Variants in RAPGEF6 observed in about 807,000 individuals in gnomAD.
RAPGEF6 encodes Rap guanine nucleotide exchange factor 6.
Under a neutral mutation model 171.4 loss-of-function variants are expected in RAPGEF6, and 56 were observed. The observed-to-expected ratio is 0.33, with a 90% CI of 0.26 to 0.41. The LOEUF (loss-of-function observed/expected upper bound fraction) is 0.41, where lower values mean the gene tolerates loss of function less well. RAPGEF6 is among the 10% of genes least tolerant of loss of function. The pLI is 1.00. For missense variants in RAPGEF6, 1,674 were observed against 1,921.4 expected (o/e 0.87, Z 2.41); for synonymous variants, 692 against 650.1 (o/e 1.06, Z -0.98).
intron 3 of RAPGEF6, among the ~76,000 whole-genome samples, chr5:131,602,034 CA>C (rs11400631): frequency 1.2e-3 from 148 of 124,158 alleles, no homozygotes; most frequent in Middle Eastern, 4.1e-3. Context: ...GACTCCGTCT[CA>C]AAAAAAAAAA....
Position 131,492,752 on chromosome 5 carries a change from C to G in RAPGEF6, c.1561G>C (p.Ala521Pro). 1.2e-6 allele frequency: 2 copies of G among 1,613,772 alleles called. No individual in the cohort carries two copies. Among genetic ancestry groups the G allele is most frequent in the Non-Finnish European group, 1.7e-6 (2 of 1,179,706 alleles). ...MNGHLRLLNI[A>P]CAAKAKWRQV... is the part of the protein sequence containing the mutation. ...CTCCACTTAGCCTTTGCAGCACAGG[C>G]AATATTCAATAACCGGAGATGACCA... is the stretch of plus-strand genomic sequence containing the variant. The change falls in exon 14 of 28, where the codon GCC (alanine) becomes CCC (proline). Residue 521 changes from alanine to proline, a missense_variant. Ala to Pro is a conservative substitution (Grantham distance 27). Transcript: ENST00000509018.
At chr5:131,534,725 ATAG>A (rs550245625) in intron 6 of RAPGEF6, among the ~76,000 whole-genome samples, 81 of 152,122 alleles carry the variant, frequency 5.3e-4, no homozygotes, top group African/African-American at 1.7e-3. Context: ...CAGAAAAATG[ATAG>A]TAGGTACTTT....
At chr5:131,505,575 G>A in intron 9 of RAPGEF6, 53 bp from the exon 10 acceptor site, 1 of 1,480,664 alleles carries the variant, frequency 6.8e-7, no homozygotes, top group Non-Finnish European at 9.2e-7. Context: ...GTAGTTACAT[G>A]TTAACTTTGA....
Position 131,635,045 on chromosome 5 carries a change from T to C in RAPGEF6, c.-15A>G, listed in dbSNP as rs1460138996. ...GGTGAGTTCATGGCCACGGCCCGGG[T>C]ACTCCGCAGCCTGCCCTTAGCAGCC... On this transcript the variant is annotated 5_prime_UTR_variant, in exon 1 of 28. Coordinates refer to ENST00000509018, the MANE Select transcript of RAPGEF6 (RefSeq NM_016340.6). 7 of 1,599,112 alleles carry C rather than the reference T, an allele frequency of 4.4e-6. No individual in the cohort carries two copies. The highest frequency in any genetic ancestry group is 1.1e-5 in the South Asian group (1 of 90,510).
intron 1 of RAPGEF6, among the ~76,000 whole-genome samples, chr5:131,621,150 T>C (rs1050243793): frequency 2.0e-5 from 3 of 152,206 alleles, no homozygotes; most frequent in Admixed American, 6.5e-5. Flanking sequence ...TAAATTTCTA[T>C]ATATAGTTGT....
At chr5:131,588,396 C>G (rs1180754519) in intron 4 of RAPGEF6, among the ~76,000 whole-genome samples, 1 of 152,190 alleles carries the variant, frequency 6.6e-6, no homozygotes, top group African/African-American at 2.4e-5. Flanking sequence ...TTAGGCCATT[C>G]TCTTATGCTC....
chr5:131,597,624 T>C (rs1763978030), intron 3 of RAPGEF6, among the ~76,000 whole-genome samples: 1 of 152,052 alleles, frequency 6.6e-6, no homozygotes, highest in Admixed American at 6.5e-5. Context: ...CTGCAGAATA[T>C]CACTTATACG....
In RAPGEF6 at chr5:131,445,493, C is replaced by CTCTGTGTGTGTGTGTGTGTGTGTG. The variant is rs1554070849; in HGVS notation, c.3421+989_3421+990insCACACACACACACACACACACAGA. 6.4e-4 allele frequency among the ~76,000 whole-genome samples: 94 copies of CTCTGTGTGTGTGTGTGTGTGTGTG among 147,332 alleles called. 1 individual carries two copies. Among genetic ancestry groups the CTCTGTGTGTGTGTGTGTGTGTGTG allele is most frequent in the African/African-American group, 2.1e-3 (84 of 39,370 alleles). On this transcript the variant is annotated intron_variant, in intron 22 of 27. Coordinates refer to ENST00000509018, the MANE Select transcript of RAPGEF6 (RefSeq NM_016340.6). Reference sequence around the variant, plus strand: ...TTTATGGGCAAATTTAACTCACTCTCTGTGTGTGTGTGTGTGTGTGTGTGT... The same window carrying CTCTGTGTGTGTGTGTGTGTGTGTG: ...TTTATGGGCAAATTTAACTCACTCTCTCTGTGTGTGTGTGTGTGTGTGTGTGTGTGTGTGTGTGTGTGTGTGTGT...
At chr5:131,580,250 C>T (rs901690293) in intron 4 of RAPGEF6, among the ~76,000 whole-genome samples, 1 of 152,164 alleles carries the variant, frequency 6.6e-6, no homozygotes, top group African/African-American at 2.4e-5. Flanking sequence ...GGGGAACCAG[C>T]GCCTCCTCCA....
At chr5:131,621,292 C>T (rs2150034032) in intron 1 of RAPGEF6, among the ~76,000 whole-genome samples, 1 of 152,062 alleles carries the variant, frequency 6.6e-6, no homozygotes, top group South Asian at 2.1e-4. Flanking sequence ...GCTTTATTTT[C>T]TTTTTCTTTT....
At chr5:131,517,796 C>CGT in intron 7 of RAPGEF6, among the ~76,000 whole-genome samples, 1 of 142,858 alleles carries the variant, frequency 7.0e-6, no homozygotes, top group Admixed American at 6.8e-5. Context: ...CACACACACA[C>CGT]ACACACACAC....
intron 20 of RAPGEF6, among the ~76,000 whole-genome samples, chr5:131,454,885 G>A (rs1753370493): frequency 6.6e-6 from 1 of 152,298 alleles, no homozygotes; most frequent in East Asian, 1.9e-4. Context: ...AAATAAAACT[G>A]TAAGCTAACT....
In RAPGEF6 at chr5:131,513,692, A is replaced by T. The variant is rs1561525953; in HGVS notation, c.628-3201T>A. Among the ~76,000 whole-genome samples, 3 of 152,348 alleles carry T rather than the reference A, an allele frequency of 2.0e-5. No individual in the cohort carries two copies. In the East Asian group the frequency reaches 5.8e-4, roughly 29 times the overall value. ...CCTTTTAATACCAACTGCAAAGGAA[A>T]GAATATAATCTACCCTTACAATTTG... On this transcript the variant is annotated intron_variant, in intron 7 of 27. Coordinates refer to ENST00000509018, the MANE Select transcript of RAPGEF6 (RefSeq NM_016340.6).
chr5:131,562,598 T>C (rs931664835), intron 4 of RAPGEF6, among the ~76,000 whole-genome samples: 3 of 152,200 alleles, frequency 2.0e-5, no homozygotes, highest in Admixed American at 1.3e-4. Flanking sequence ...TAACATAAAA[T>C]GATGTAGCAT....
At chr5:131,468,838 G>A (rs1211897430) in intron 17 of RAPGEF6, among the ~76,000 whole-genome samples, 1 of 152,150 alleles carries the variant, frequency 6.6e-6, no homozygotes, top group African/African-American at 2.4e-5. Context: ...AAGGGTAGTG[G>A]TATATTAAGG....
At chr5:131,445,621 T>C (rs1258564344) in intron 22 of RAPGEF6, among the ~76,000 whole-genome samples, 2 of 152,054 alleles carry the variant, frequency 1.3e-5, no homozygotes, top group African/African-American at 2.4e-5. Context: ...CTCACTTTGT[T>C]GCCCAGGGTG....
At chr5:131,440,394 A>G (rs1169427535) in intron 23 of RAPGEF6, among the ~76,000 whole-genome samples, 1 of 152,166 alleles carries the variant, frequency 6.6e-6, no homozygotes, top group South Asian at 2.1e-4. Flanking sequence ...ACGTTTTTAC[A>G]TTCATCTTCT....
intron 3 of RAPGEF6, among the ~76,000 whole-genome samples, chr5:131,602,206 C>T (rs935491582): frequency 6.6e-6 from 1 of 152,086 alleles, no homozygotes; most frequent in Non-Finnish European, 1.5e-5. Flanking sequence ...GTGTACTTAA[C>T]ACAAACCTAG....
At chr5:131,429,414 T>C (rs1238237696) in intron 26 of RAPGEF6, among the ~76,000 whole-genome samples, 198 bp from the exon 27 acceptor site, 1 of 152,156 alleles carries the variant, frequency 6.6e-6, no homozygotes, top group African/African-American at 2.4e-5. Flanking sequence ...AACAACTATA[T>C]TAAGTCCTGT....
Sources: allele counts gnomAD v4.1 joint callset (sites outside exome capture counted in the v4.1 genomes callset), GRCh38; gene constraint gnomAD v4.1.1; transcripts MANE v1.5; gene names NCBI Gene and HGNC (gene_info 2026-07-23, HGNC 2026-07-21).